Variants in DDAH1 observed in about 807,000 individuals in gnomAD.
The protein encoded by DDAH1 is dimethylarginine dimethylaminohydrolase 1.
A neutral mutation model predicts 28.8 loss-of-function variants in DDAH1; 19 were observed. The ratio of observed to expected loss-of-function variants is 0.66; its 90% CI spans 0.46 to 0.97. The LOEUF is 0.97. Among genes scored for constraint, DDAH1 ranks in the 50% least tolerant of loss-of-function variants. The pLI is 0.00. For synonymous variants in DDAH1, 153 were observed against 154.4 expected, an observed-to-expected ratio of 0.99 and a Z score of 0.07; for missense variants, 326 against 375.9, an observed-to-expected ratio of 0.87 and a Z score of 1.10.
chr1:85,518,412 A>G (rs1657549190), intron 1 of DDAH1, among the ~76,000 whole-genome samples: 1 of 152,202 alleles, frequency 6.6e-6, no homozygotes, highest in Non-Finnish European at 1.5e-5. Context: ...TGTTGGCAGA[A>G]TTCAGTTCCA....
intron 1 of DDAH1, among the ~76,000 whole-genome samples, chr1:85,441,572 A>G (rs1654198283): frequency 6.6e-6 from 1 of 152,102 alleles, no homozygotes; most frequent in African/African-American, 2.4e-5. Context: ...TCAGGGATAG[A>G]AAGTGGCAGA....
At chr1:85,563,489 C>T (rs986117483) in intron 1 of DDAH1, among the ~76,000 whole-genome samples, 1 of 152,138 alleles carries the variant, frequency 6.6e-6, no homozygotes. Flanking sequence ...AAATTAAATG[C>T]CACTTTGGTC....
intron 2 of DDAH1, among the ~76,000 whole-genome samples, chr1:85,472,310 A>G (rs1655644379): frequency 6.6e-6 from 1 of 152,198 alleles, no homozygotes; most frequent in African/African-American, 2.4e-5. Context: ...GCATTAGATC[A>G]TACCTTTTTG....
At chr1:85,372,577 GT>G (rs146121062) in intron 1 of DDAH1, among the ~76,000 whole-genome samples, 1 of 151,610 alleles carries the variant, frequency 6.6e-6, no homozygotes. Flanking sequence ...TGCCATTATA[GT>G]TTTTTTCTCC....
At chr1:85,442,534 G>A (rs1367685074) in intron 1 of DDAH1, among the ~76,000 whole-genome samples, 1 of 152,160 alleles carries the variant, frequency 6.6e-6, no homozygotes, top group Non-Finnish European at 1.5e-5. Context: ...AATCCTTTGG[G>A]TATATACCCA....
chr1:85,413,560 A>G (rs1459166963), intron 1 of DDAH1, among the ~76,000 whole-genome samples: 2 of 152,232 alleles, frequency 1.3e-5, no homozygotes, highest in Non-Finnish European at 2.9e-5. Context: ...TTTATTTAAC[A>G]AAGATCCTGA....
intron 1 of DDAH1, among the ~76,000 whole-genome samples, chr1:85,392,182 T>C (rs1651583577): frequency 6.6e-6 from 1 of 152,162 alleles, no homozygotes; most frequent in Admixed American, 6.6e-5. Context: ...TCTGCAGGGT[T>C]GGTTCCTTGC....
chr1:85,529,580 G>A lies in DDAH1; in HGVS notation c.-122-33299C>T, dbSNP rs549835792. ...CAAGAGCAGGGAATTCTGAGTACAC[G>A]ATTCTCAATATGCCGTTCCACCCCC... On this transcript the variant is annotated intron_variant, in intron 1 of 6. Transcript: ENST00000426972. 1.0e-4 allele frequency among the ~76,000 whole-genome samples: 13 copies of A among 125,620 alleles called. No homozygotes were observed. In the South Asian group the frequency reaches 3.2e-3, roughly 31 times the overall value. 82.4% of individuals were successfully genotyped at this position (125,620 alleles called of 152,430 possible). A position where few individuals can be genotyped will look rare whatever the true frequency, so the allele number is the denominator to read the frequency against.
At chr1:85,540,960 TAAAAAA>T (rs140965112) in intron 1 of DDAH1, among the ~76,000 whole-genome samples, 2 of 106,672 alleles carry the variant, frequency 1.9e-5, no homozygotes, top group Admixed American at 2.1e-4. Context: ...ACTCAGTATC[TAAAAAA>T]AAAAAAAAAA....
intron 2 of DDAH1, among the ~76,000 whole-genome samples, chr1:85,352,893 A>C (rs1352429375): frequency 6.8e-6 from 1 of 147,702 alleles, no homozygotes; most frequent in Non-Finnish European, 1.5e-5. Context: ...TTTTTTTTTC[A>C]CTAAAAGAAC....
chr1:85,537,457 C>A (rs1321038645), intron 1 of DDAH1, among the ~76,000 whole-genome samples: 7 of 142,320 alleles, frequency 4.9e-5, no homozygotes, highest in African/African-American at 1.6e-4. Context: ...ATCTCACTCA[C>A]ATGTGGAATC....
chr1:85,464,990 C>A lies in DDAH1; in HGVS notation c.56G>T (p.Arg19Leu), dbSNP rs1485756590. 1.4e-6 allele frequency: 2 copies of A among 1,408,918 alleles called. No homozygotes were observed. The highest frequency in any genetic ancestry group is 1.8e-6 in the Non-Finnish European group (2 of 1,082,160). The allele number at this position is 1,408,918 out of a possible 1,614,324, so 87.3% of individuals were successfully genotyped here. ...CTGGCCGAGCGACTCGGGTAGCGCC[C>A]GCACCACGGCGTGGGTGGCCCGGCC... Reference protein sequence around the residue: ...AFGRATHAVVRALPESLGQHA... With the variant: ...AFGRATHAVVLALPESLGQHA... Residue 19 changes from arginine to leucine, a missense_variant, in exon 1 of 6, where the codon CGG (arginine) becomes CTG (leucine). By Grantham distance (102) the Arg-to-Leu change is moderately radical (BLOSUM62 -2). Coordinates refer to ENST00000284031, the MANE Select transcript of DDAH1 (RefSeq NM_012137.4). This position sits in a 1 kb window ranked among gnomAD's most constrained non-coding sequence, Gnocchi z 4.4.
intron 1 of DDAH1, among the ~76,000 whole-genome samples, chr1:85,510,344 A>G (rs1177099575): frequency 6.6e-6 from 1 of 152,244 alleles, no homozygotes; most frequent in Non-Finnish European, 1.5e-5. Context: ...GAGCTCCTGA[A>G]GGAAGCACTA....
chr1:85,444,855 A>G (rs886742170), intron 1 of DDAH1, among the ~76,000 whole-genome samples: 5 of 152,210 alleles, frequency 3.3e-5, no homozygotes, highest in Admixed American at 2.0e-4. Flanking sequence ...GAACAGAACT[A>G]ATGGAATAGA....
intron 1 of DDAH1, among the ~76,000 whole-genome samples, chr1:85,394,215 T>C (rs770161121): frequency 1.8e-4 from 27 of 152,218 alleles, no homozygotes; most frequent in Non-Finnish European, 3.8e-4. Context: ...TTAATGTCTT[T>C]CTCATGAGAC....
At chr1:85,328,730 G>C (rs233128) in intron 4 of DDAH1, among the ~76,000 whole-genome samples, 99,684 of 152,064 alleles carry the variant, frequency 0.66, 33,237 homozygotes, top group South Asian at 0.84. Flanking sequence ...GAGATCCTTA[G>C]AACATGTATA....
At chr1:85,441,151 A>G (rs1300203308) in intron 1 of DDAH1, among the ~76,000 whole-genome samples, 1 of 152,188 alleles carries the variant, frequency 6.6e-6, no homozygotes, top group Admixed American at 6.5e-5. Context: ...GGATAGCAAT[A>G]CTCACCTGGA....
intron 2 of DDAH1, among the ~76,000 whole-genome samples, chr1:85,491,773 C>T (rs1283253015): frequency 1.3e-5 from 2 of 152,134 alleles, no homozygotes; most frequent in African/African-American, 2.4e-5. Context: ...GGTTTGATGT[C>T]AGTGTTTTTT....
At chr1:85,450,232 GTTTAC>G (rs1249845209) in intron 1 of DDAH1, among the ~76,000 whole-genome samples, 2 of 152,124 alleles carry the variant, frequency 1.3e-5, no homozygotes, top group Non-Finnish European at 2.9e-5. Flanking sequence ...CATCATATTT[GTTTAC>G]TTTATGTTTT....
Sources: gnomAD v4.1 joint callset for allele counts (sites outside exome capture counted in the v4.1 genomes callset) on GRCh38, gnomAD v4.1.1 for gene constraint, Gnocchi (gnomAD v3.1) non-coding constraint, MANE v1.5 for transcripts, NCBI Gene and HGNC (gene_info 2026-07-23, HGNC 2026-07-21) for gene names.